Variants in RBM47 observed in about 807,000 individuals in gnomAD.
RBM47 encodes the protein RNA-binding protein 47.
Under a neutral mutation model 47.1 loss-of-function variants are expected in RBM47, and 21 were observed. The ratio of observed to expected loss-of-function variants is 0.45; its 90% CI spans 0.32 to 0.64. The LOEUF is 0.64. Ranked by LOEUF, RBM47 falls within the 30% of genes least tolerant of loss-of-function variation. The pLI is 0.05. For missense variants in RBM47, 708 were observed against 870.9 expected, an observed-to-expected ratio of 0.81 and a Z score of 2.35; for synonymous variants, 375 against 361.7, an observed-to-expected ratio of 1.04 and a Z score of -0.42.
chr4:40,459,124 T>C (rs982324585), intron 3 of RBM47, among the ~76,000 whole-genome samples: 7 of 152,240 alleles, frequency 4.6e-5, no homozygotes, highest in African/African-American at 1.7e-4. Flanking sequence ...TCCACTTCTT[T>C]ATGCATTGTT....
At chr4:40,627,909 A>T (rs1220000748) in intron 1 of RBM47, among the ~76,000 whole-genome samples, 7 of 151,558 alleles carry the variant, frequency 4.6e-5, no homozygotes, top group East Asian at 3.8e-4. Context: ...AAAAAAAATG[A>T]TGATGATGAA....
At chr4:40,448,051 GC>G (rs1361666753) in intron 3 of RBM47, among the ~76,000 whole-genome samples, 1 of 151,628 alleles carries the variant, frequency 6.6e-6, no homozygotes, top group Non-Finnish European at 1.5e-5. Flanking sequence ...AAAACAAGTA[GC>G]CAGGCATGGT....
At chr4:40,475,906 G>A (rs1279220772) in intron 2 of RBM47, among the ~76,000 whole-genome samples, 1 of 152,174 alleles carries the variant, frequency 6.6e-6, no homozygotes, top group East Asian at 1.9e-4. Flanking sequence ...AGAAAGAAGG[G>A]AGGTGTTAAA....
intron 2 of RBM47, among the ~76,000 whole-genome samples, chr4:40,541,670 G>A (rs1207235479): frequency 1.3e-5 from 2 of 151,968 alleles, no homozygotes; most frequent in South Asian, 2.1e-4. Context: ...CCCGGGAGGC[G>A]GAGGTTGCAA....
At chr4:40,575,281 C>T (rs915826754) in intron 1 of RBM47, among the ~76,000 whole-genome samples, 2 of 152,030 alleles carry the variant, frequency 1.3e-5, no homozygotes, top group Non-Finnish European at 2.9e-5. Flanking sequence ...GGAAGCTGGG[C>T]GTGGTGGCTC....
At chr4:40,481,340 T>C (rs1720358596) in intron 2 of RBM47, among the ~76,000 whole-genome samples, 1 of 150,050 alleles carries the variant, frequency 6.7e-6, no homozygotes, top group Non-Finnish European at 1.5e-5. Flanking sequence ...CGGCGTGACC[T>C]TGGCTCACTG....
intron 2 of RBM47, among the ~76,000 whole-genome samples, chr4:40,520,955 C>T (rs940614123): frequency 6.6e-6 from 1 of 152,128 alleles, no homozygotes; most frequent in Non-Finnish European, 1.5e-5. Flanking sequence ...TAACATATTT[C>T]CCTTTTACAC....
At chr4:40,476,337 A>G (rs1367928670) in intron 2 of RBM47, among the ~76,000 whole-genome samples, 1 of 152,112 alleles carries the variant, frequency 6.6e-6, no homozygotes, top group African/African-American at 2.4e-5. Context: ...AACTTTGGTT[A>G]AGTACCCTGT....
Position 40,423,648 on chromosome 4 carries a change from TTCTTTTTC to T in RBM47, c.*2248_*2255del, listed in dbSNP as rs1460410805. The T allele has an allele frequency of 1.0e-4, 15 of 145,634 alleles. No individual in the cohort carries two copies. Among genetic ancestry groups the T allele is most frequent in the South Asian group, 4.5e-4 (2 of 4,472 alleles). 9.0% of individuals were successfully genotyped at this position (145,634 alleles called of 1,614,324 possible). Reference sequence around the variant, plus strand: ...GTTATCATTTTTTTTTATTCTTTCTTTCTTTTTCTTTCTTTCTTTCTTTCTTTCTTTCT... The same window carrying T: ...GTTATCATTTTTTTTTATTCTTTCTTTTTCTTTCTTTCTTTCTTTCTTTCT... On this transcript the variant is annotated 3_prime_UTR_variant, in exon 7 of 7. Coordinates refer to ENST00000295971, the MANE Select transcript of RBM47 (RefSeq NM_001098634.2).
At chr4:40,516,714 G>A (rs796517878) in intron 2 of RBM47, among the ~76,000 whole-genome samples, 3 of 152,310 alleles carry the variant, frequency 2.0e-5, no homozygotes, top group African/African-American at 7.2e-5. Context: ...ACAGGCCAGG[G>A]GCTGAGGTGG....
At chr4:40,522,101 A>C (rs545386345) in intron 2 of RBM47, among the ~76,000 whole-genome samples, 1 of 152,352 alleles carries the variant, frequency 6.6e-6, no homozygotes, top group Non-Finnish European at 1.5e-5. Context: ...AGAATCATGC[A>C]TGGGTAAGCA....
intron 1 of RBM47, among the ~76,000 whole-genome samples, chr4:40,605,961 G>A (rs969450975): frequency 1.3e-5 from 2 of 151,990 alleles, no homozygotes; most frequent in Non-Finnish European, 2.9e-5. Flanking sequence ...ACTTTGGGAG[G>A]CTGAGGCAGG....
At chr4:40,485,944 G>A (rs932755560) in intron 2 of RBM47, among the ~76,000 whole-genome samples, 1 of 150,420 alleles carries the variant, frequency 6.6e-6, no homozygotes, top group Admixed American at 6.6e-5. Context: ...GGTGGCATGC[G>A]CCTGTAGTCC....
intron 1 of RBM47, among the ~76,000 whole-genome samples, chr4:40,593,845 C>T (rs1198067046): frequency 6.8e-6 from 1 of 147,254 alleles, no homozygotes; most frequent in East Asian, 2.0e-4. Context: ...GATCGCGCCA[C>T]TACACTCCAG....
At chr4:40,546,697 T>C (rs187957284) in intron 1 of RBM47, among the ~76,000 whole-genome samples, 43 of 152,342 alleles carry the variant, frequency 2.8e-4, no homozygotes, top group African/African-American at 9.9e-4. Context: ...GGAAGGAACT[T>C]TGACCCACAG....
chr4:40,562,503 T>C (rs1730727237), intron 1 of RBM47, among the ~76,000 whole-genome samples: 1 of 148,880 alleles, frequency 6.7e-6, no homozygotes, highest in Admixed American at 6.8e-5. Flanking sequence ...CACTCTTGTG[T>C]CACCCAGGCT....
At chr4:40,567,566 T>C (rs939812986) in intron 1 of RBM47, among the ~76,000 whole-genome samples, 1 of 152,034 alleles carries the variant, frequency 6.6e-6, no homozygotes, top group Non-Finnish European at 1.5e-5. Context: ...GCAGTAACTG[T>C]TGTCTCTGAT....
chr4:40,441,130 A>C (rs1713562618), intron 3 of RBM47, among the ~76,000 whole-genome samples: 1 of 151,686 alleles, frequency 6.6e-6, no homozygotes, highest in Non-Finnish European at 1.5e-5. Flanking sequence ...TTTTTTAAAA[A>C]TAGAGATGGA....
At chr4:40,453,884 C>T (rs1406349557) in intron 3 of RBM47, among the ~76,000 whole-genome samples, 1 of 151,884 alleles carries the variant, frequency 6.6e-6, no homozygotes, top group African/African-American at 2.4e-5. Context: ...CCAAGAGTTT[C>T]CTTAATGTAT....
Sources: gnomAD v4.1 joint callset for allele counts (sites outside exome capture counted in the v4.1 genomes callset) on GRCh38, gnomAD v4.1.1 for gene constraint, MANE v1.5 for transcripts, NCBI Gene and HGNC (gene_info 2026-07-23, HGNC 2026-07-21) for gene names.